CNTNAP2: variants seen among roughly 807,000 people sequenced by gnomAD.
CNTNAP2 encodes contactin-associated protein-like 2.
Under a neutral mutation model 155.2 loss-of-function variants are expected in CNTNAP2, and 98 were observed. That is an observed-to-expected ratio of 0.63 (90% CI 0.54 to 0.75). The LOEUF is 0.75. Ranked by LOEUF, CNTNAP2 falls within the 30% of genes least tolerant of loss-of-function variation. The pLI, the probability that CNTNAP2 is intolerant of heterozygous loss-of-function variation, is 0.00. For missense variants in CNTNAP2, 1,727 were observed against 1,688.1 expected, an observed-to-expected ratio of 1.02 and a Z score of -0.40; for synonymous variants, 651 against 631.2, an observed-to-expected ratio of 1.03 and a Z score of -0.47.
At chr7:146,502,257 A>ATATG (rs1430068075) in intron 1 of CNTNAP2, among the ~76,000 whole-genome samples, 1 of 118,384 alleles carries the variant, frequency 8.4e-6, no homozygotes. Flanking sequence ...ATATATATAT[A>ATATG]TATGTCATAT....
intron 1 of CNTNAP2, among the ~76,000 whole-genome samples, chr7:146,564,225 A>G (rs1254928113): frequency 6.6e-6 from 1 of 152,122 alleles, no homozygotes; most frequent in Non-Finnish European, 1.5e-5. Context: ...GCTAATAATG[A>G]TATGTTACCT....
intron 21 of CNTNAP2, among the ~76,000 whole-genome samples, chr7:148,333,210 C>T (rs934470653): frequency 1.3e-5 from 2 of 152,276 alleles, no homozygotes; most frequent in Middle Eastern, 3.4e-3. Context: ...GGTGGATCAC[C>T]TGAGGTCAGG....
chr7:146,619,353 A>G (rs1446016082), intron 1 of CNTNAP2, among the ~76,000 whole-genome samples: 3 of 152,150 alleles, frequency 2.0e-5, no homozygotes, highest in East Asian at 3.9e-4. Context: ...CATTTTCTGT[A>G]ACATTCAGAG....
At chr7:147,790,873 G>A (rs1797809286) in intron 13 of CNTNAP2, among the ~76,000 whole-genome samples, 2 of 152,164 alleles carry the variant, frequency 1.3e-5, no homozygotes, top group African/African-American at 2.4e-5. Flanking sequence ...TTTTGCAGAC[G>A]TTCCACATCT....
At position 147,421,085 on chromosome 7, in the gene CNTNAP2, G is replaced by C. The variant is rs905545350; in HGVS notation, c.1670+25305G>C. On this transcript the variant is annotated intron_variant, in intron 10 of 23. Transcript: ENST00000361727. ...ATGAAATCTCTATTCAAAGAGTTTG[G>C]GTTTGACCTTTATGCATTACATATT... 2.6e-5 allele frequency among the ~76,000 whole-genome samples: 4 copies of C among 152,162 alleles called. No individual in the cohort carries two copies. The South Asian group carries it at 8.3e-4, about 32-fold the overall frequency.
chr7:146,647,226 C>A (rs1221954206), intron 1 of CNTNAP2, among the ~76,000 whole-genome samples: 1 of 152,144 alleles, frequency 6.6e-6, no homozygotes, highest in South Asian at 2.1e-4. Flanking sequence ...TGTTTGACAG[C>A]AACCTTTAGG....
chr7:148,255,005 A>T (rs1181139019), intron 20 of CNTNAP2, among the ~76,000 whole-genome samples: 1 of 152,106 alleles, frequency 6.6e-6, no homozygotes, highest in Non-Finnish European at 1.5e-5. Flanking sequence ...TTAATTCATG[A>T]TTATTTTATG....
At chr7:147,427,586 A>G (rs992604448) in intron 10 of CNTNAP2, among the ~76,000 whole-genome samples, 7 of 152,188 alleles carry the variant, frequency 4.6e-5, no homozygotes, top group Non-Finnish European at 1.0e-4. Flanking sequence ...TTTAGTGGGT[A>G]GATAACCAAT....
chr7:147,447,255 G>A (rs1290551991), intron 10 of CNTNAP2, among the ~76,000 whole-genome samples: 1 of 152,082 alleles, frequency 6.6e-6, no homozygotes, highest in Non-Finnish European at 1.5e-5. Context: ...TTGTGTACAT[G>A]CTCTACATGT....
At chr7:148,153,163 C>G (rs979407234) in intron 17 of CNTNAP2, among the ~76,000 whole-genome samples, 1 of 148,126 alleles carries the variant, frequency 6.8e-6, no homozygotes, top group Non-Finnish European at 1.5e-5. Context: ...CCATGCTAGA[C>G]TTTTCTTGCT....
At chr7:146,321,318 T>A (rs1800997566) in intron 1 of CNTNAP2, among the ~76,000 whole-genome samples, 1 of 152,226 alleles carries the variant, frequency 6.6e-6, no homozygotes, top group Admixed American at 6.5e-5. Flanking sequence ...GAGAAGTTTT[T>A]AAATTTGTTT....
At chr7:147,268,660 AATG>A (rs1447045722) in intron 8 of CNTNAP2, among the ~76,000 whole-genome samples, 2 of 152,160 alleles carry the variant, frequency 1.3e-5, no homozygotes, top group Non-Finnish European at 2.9e-5. Flanking sequence ...ACAGCATTAT[AATG>A]ATAATAAAAA....
rs192034098 is a variant in CNTNAP2 at position 147,311,075 on chromosome 7, C to T, written c.1498+10785C>T. ...ATCAAGGATGATGAGATACTGAGAA[C>T]GATCAGCTCTCAAGGGCGGGGAGTT... On this transcript the variant is annotated intron_variant, in intron 9 of 23. Transcript: ENST00000361727. Among the ~76,000 whole-genome samples, 271 of 152,190 alleles carry T rather than the reference C, an allele frequency of 1.8e-3. 2 individuals carry two copies. Among genetic ancestry groups the T allele is most frequent in the African/African-American group, 6.2e-3 (256 of 41,528 alleles).
chr7:148,225,519 G>A (rs1178892189), intron 19 of CNTNAP2, among the ~76,000 whole-genome samples: 2 of 152,094 alleles, frequency 1.3e-5, no homozygotes, highest in Non-Finnish European at 2.9e-5. Context: ...ATAATGAGGA[G>A]ATCATATGGG....
chr7:147,578,192 T>C (rs974198485), intron 12 of CNTNAP2, among the ~76,000 whole-genome samples: 3 of 152,154 alleles, frequency 2.0e-5, no homozygotes, highest in Non-Finnish European at 4.4e-5. Context: ...ATACTTTTGA[T>C]TGATAATGGA....
At chr7:146,311,092 T>G (rs1167931771) in intron 1 of CNTNAP2, among the ~76,000 whole-genome samples, 1 of 152,326 alleles carries the variant, frequency 6.6e-6, no homozygotes, top group East Asian at 1.9e-4. Context: ...AATCAATTCA[T>G]TGTGATTCTG....
intron 13 of CNTNAP2, among the ~76,000 whole-genome samples, chr7:147,810,802 G>A (rs1311262931): frequency 6.6e-6 from 1 of 152,116 alleles, no homozygotes; most frequent in Non-Finnish European, 1.5e-5. Context: ...ACAACAACAC[G>A]ACTGGTTGAA....
At chr7:147,066,442 A>G (rs1453996619) in intron 4 of CNTNAP2, among the ~76,000 whole-genome samples, 1 of 152,176 alleles carries the variant, frequency 6.6e-6, no homozygotes, top group Admixed American at 6.5e-5. Flanking sequence ...TTTTTATAAA[A>G]CTAAACAGCA....
intron 23 of CNTNAP2, among the ~76,000 whole-genome samples, chr7:148,412,192 G>A (rs1206454429): frequency 6.6e-6 from 1 of 151,914 alleles, no homozygotes; most frequent in East Asian, 1.9e-4. Context: ...CACCCACCTC[G>A]GCCTGCAAAA....
Sources: gnomAD v4.1 joint callset for allele counts (sites outside exome capture counted in the v4.1 genomes callset) on GRCh38, gnomAD v4.1.1 for gene constraint, MANE v1.5 for transcripts, NCBI Gene and HGNC (gene_info 2026-07-23, HGNC 2026-07-21) for gene names.